Variants in SLC2A7 observed in about 807,000 individuals in gnomAD.
The protein encoded by SLC2A7 is solute carrier family 2 member 7.
In SLC2A7, 50 loss-of-function variants were observed where a neutral mutation model predicts 50.5. The ratio of observed to expected loss-of-function variants is 0.99; its 90% confidence interval spans 0.79 to 1.25. SLC2A7 has a LOEUF of 1.25. SLC2A7 is among the 50% of genes most tolerant of loss of function. The probability of loss-of-function intolerance (pLI) is 0.00; values close to 1 mark genes in which losing one functional copy is unlikely to be tolerated. For missense variants in SLC2A7, 683 were observed against 679.1 expected (o/e 1.01, Z -0.06); for synonymous variants, 308 against 300.4 (o/e 1.03, Z -0.26).
Position 9,014,743 on chromosome 1 carries a change from G to T in SLC2A7, c.841C>A (p.Arg281Ser). Residue 281 changes from arginine (R) to serine (S), a missense_variant, in exon 7 of 12, where the codon CGC becomes AGC. Physicochemically the swap from Arg to Ser is moderately radical, Grantham distance 110. Transcript: ENST00000400906. The stretch of plus-strand genomic sequence containing the variant: ...ACGATGATGGAGAGGAGCTGCCAGC[G>T]CAGGGACCGCAGGGCACAGAGGTGC... ...VLHLCALRSL[R>S]WQLLSIIVLM... The T allele has an allele frequency of 5.7e-6, 9 of 1,578,666 alleles. No individual in the cohort carries two copies. The highest frequency in any genetic ancestry group is 2.3e-5 in the East Asian group (1 of 42,932).
downstream of SLC2A7, among the ~76,000 whole-genome samples, chr1:9,000,272 A>G (rs1047201342): frequency 6.6e-6 from 1 of 152,034 alleles, no homozygotes; most frequent in Non-Finnish European, 1.5e-5. Context: ...GCAGTGAGCC[A>G]TGATTGCCAC....
At chr1:9,004,119 T>A (rs1372502547) in intron 11 of SLC2A7, among the ~76,000 whole-genome samples, 4 of 151,704 alleles carry the variant, frequency 2.6e-5, no homozygotes, top group Admixed American at 2.6e-4. Flanking sequence ...CCCAGCACTT[T>A]CGAAGTTTGA....
chr1:8,998,589 CA>C (rs1335900359), downstream of SLC2A7, among the ~76,000 whole-genome samples: 40 of 152,076 alleles, frequency 2.6e-4, no homozygotes, highest in African/African-American at 9.2e-4. Context: ...TCAACTTGCT[CA>C]AAATTGTTTT....
At chr1:9,009,419 G>A (rs1640708590) in intron 9 of SLC2A7, among the ~76,000 whole-genome samples, 1 of 152,168 alleles carries the variant, frequency 6.6e-6, no homozygotes, top group African/African-American at 2.4e-5. Context: ...TGGGTGGTCT[G>A]CTGTGTTTTA....
chr1:9,012,660 A>G (rs996867753), intron 8 of SLC2A7, among the ~76,000 whole-genome samples: 6 of 152,222 alleles, frequency 3.9e-5, no homozygotes, highest in Non-Finnish European at 8.8e-5. Flanking sequence ...AATCAAAATA[A>G]TCAGGAGATA....
Position 9,003,208 on chromosome 1 carries a change from G to C in SLC2A7, c.*92C>G, listed in dbSNP as rs551177989. On this transcript the variant is annotated 3_prime_UTR_variant, in exon 12 of 12. Coordinates refer to ENST00000400906, the MANE Select transcript of SLC2A7 (RefSeq NM_207420.3). ...AATGGGGGCAACGACAAAAGCCTCC[G>C]TGCTATTATCCTCCCCAGAGCCTGG... 5 of 1,156,638 alleles carry C rather than the reference G, an allele frequency of 4.3e-6. 1 individual carries two copies. The highest frequency in any genetic ancestry group is 5.3e-4 in the Middle Eastern group (2 of 3,772). 71.6% of individuals were successfully genotyped at this position (1,156,638 alleles called of 1,614,324 possible).
rs759762994 is a variant in SLC2A7, at chr1:9,008,598, T to A, written c.1117-1213A>T. On this transcript the variant is annotated intron_variant, in intron 9 of 11. Transcript: ENST00000400906. This position sits in a 1 kb window ranked among gnomAD's most constrained non-coding sequence, Gnocchi z 5.9. ...CCCTAAAGGTTCTGCTAAGAACTTATATTGGTTTTTTTTTTTTTTAGACAG... is the reference window on the plus strand; with the variant it reads ...CCCTAAAGGTTCTGCTAAGAACTTAAATTGGTTTTTTTTTTTTTTAGACAG... 3.8e-5 allele frequency among the ~76,000 whole-genome samples: 3 copies of A among 79,658 alleles called. No individual in the cohort carries two copies. In the East Asian group the frequency reaches 1.2e-3, roughly 31 times the overall value. The allele number at this position is 79,658 out of a possible 152,430, so 52.3% of individuals were successfully genotyped here.
intron 7 of SLC2A7, 68 bp downstream of exon 7, chr1:9,014,613 G>T: frequency 6.5e-7 from 1 of 1,533,976 alleles, no homozygotes. Context: ...GGGTGGAACT[G>T]TGTGTTGCTA....
At chr1:9,015,484 A>C (rs1285446302) in intron 5 of SLC2A7, among the ~76,000 whole-genome samples, 1 of 152,242 alleles carries the variant, frequency 6.6e-6, no homozygotes, top group Non-Finnish European at 1.5e-5. Flanking sequence ...ATAGGCAATG[A>C]TTTAAACACT....
At chr1:8,995,936 T>A in the SLC2A7 span, among the ~76,000 whole-genome samples, 1 of 151,906 alleles carries the variant, frequency 6.6e-6, no homozygotes, top group Non-Finnish European at 1.5e-5. Flanking sequence ...CTCTCCCAAT[T>A]TTTAGATTAT....
intron 3 of SLC2A7, among the ~76,000 whole-genome samples, chr1:9,021,618 A>G (rs1640913987): frequency 6.6e-6 from 1 of 152,150 alleles, no homozygotes. Context: ...TGGTGTTCTC[A>G]GGCCACTTTT....
At chr1:8,993,363 T>C in the SLC2A7 span, among the ~76,000 whole-genome samples, 1 of 152,178 alleles carries the variant, frequency 6.6e-6, no homozygotes, top group African/African-American at 2.4e-5. Flanking sequence ...GGGAGAAAGG[T>C]AGCCTTTGAG....
the SLC2A7 span, among the ~76,000 whole-genome samples, chr1:8,995,825 G>T: frequency 6.6e-6 from 1 of 152,144 alleles, no homozygotes; most frequent in Admixed American, 6.5e-5. Flanking sequence ...TGGAGTGCAG[G>T]GGTGTGATCA....
At chr1:9,020,557 C>A (rs1055824731) in intron 3 of SLC2A7, among the ~76,000 whole-genome samples, 1 of 145,514 alleles carries the variant, frequency 6.9e-6, no homozygotes, top group Non-Finnish European at 1.5e-5. Context: ...TGTGCCCCCC[C>A]CCACCCCCCC....
intron 6 of SLC2A7, 36 bp downstream of exon 6, chr1:9,015,081 G>C: frequency 6.2e-7 from 1 of 1,610,604 alleles, no homozygotes; most frequent in South Asian, 1.1e-5. Context: ...CCCCCGGGGT[G>C]GGCAGGGCCT....
downstream of SLC2A7, among the ~76,000 whole-genome samples, chr1:8,998,083 C>T (rs1640531085): frequency 6.6e-6 from 1 of 152,168 alleles, no homozygotes. Flanking sequence ...GCTGTCCTTT[C>T]ACCACTCAGT....
Position 9,018,296 on chromosome 1 carries a change from G to A in SLC2A7, c.516C>T (p.Thr172=), listed in dbSNP as rs199861449. 15 of 1,614,134 alleles carry A rather than the reference G, an allele frequency of 9.3e-6. No homozygotes were observed. Among genetic ancestry groups the A allele is most frequent in the Middle Eastern group, 1.6e-4 (1 of 6,062 alleles). The change falls in exon 5 of 12, where the codon ACC becomes ACT. Residue 172 remains threonine, a synonymous_variant. Coordinates refer to ENST00000400906, the MANE Select transcript of SLC2A7 (RefSeq NM_207420.3). Reference sequence around the variant, plus strand: ...AGACTCCAACGATGACGAAAACCTCGGTCATTGTTCCCACCATGCCTCTCA... The same window carrying A: ...AGACTCCAACGATGACGAAAACCTCAGTCATTGTTCCCACCATGCCTCTCA... ...KNLRGMVGTM[T]EVFVIVGVFL... is the part of the protein sequence containing the mutation.
At chr1:9,000,783 T>TGA (rs1172675448), downstream of SLC2A7, among the ~76,000 whole-genome samples, 2 of 147,878 alleles carry the variant, frequency 1.4e-5, no homozygotes, top group South Asian at 2.2e-4. Flanking sequence ...TGTGTGTGTG[T>TGA]GACTCTGTCT....
rs768232104 is a variant in SLC2A7, at chr1:9,019,159, C to T, written c.436+50G>A. 3.8e-6 allele frequency: 6 copies of T among 1,586,158 alleles called. No homozygotes were observed. In the African/African-American group the frequency reaches 4.1e-5, roughly 11 times the overall value. On this transcript the variant is annotated intron_variant, in intron 4 of 11. Coordinates refer to ENST00000400906, the MANE Select transcript of SLC2A7 (RefSeq NM_207420.3). ...CATCTGCTCCTGCTTCCAGCCTTGG[C>T]CAAACAGACCCTTCCCCCAAGGCTG...
Sources: allele counts gnomAD v4.1 joint callset (sites outside exome capture counted in the v4.1 genomes callset), GRCh38; gene constraint gnomAD v4.1.1; non-coding constraint Gnocchi (gnomAD v3.1); transcripts MANE v1.5; gene names NCBI Gene and HGNC (gene_info 2026-07-23, HGNC 2026-07-21).